Variants in OTUD7A observed in about 807,000 individuals in gnomAD.
OTUD7A encodes the protein OTU deubiquitinase 7A, also known as OTU domain-containing protein 7A.
Under a neutral mutation model 65.7 loss-of-function variants are expected in OTUD7A, and 12 were observed. That is an observed-to-expected ratio of 0.18 (90% CI 0.12 to 0.30). OTUD7A has a LOEUF of 0.30. Among genes scored for constraint, OTUD7A ranks in the 10% least tolerant of loss-of-function variants. The probability of loss-of-function intolerance (pLI) is 1.00; values close to 1 mark genes in which losing one functional copy is unlikely to be tolerated. For missense variants in OTUD7A, 1,148 were observed against 1,304.8 expected (o/e 0.88, Z 1.85); for synonymous variants, 641 against 586.3 (o/e 1.09, Z -1.35).
intron 8 of OTUD7A, among the ~76,000 whole-genome samples, chr15:31,507,921 C>T (rs1057171540): frequency 6.6e-6 from 1 of 152,058 alleles, no homozygotes; most frequent in Non-Finnish European, 1.5e-5. Context: ...AGAAAATTGG[C>T]GTTTTGGCTG....
intron 1 of OTUD7A, among the ~76,000 whole-genome samples, chr15:31,704,834 A>G (rs1893292049): frequency 6.6e-6 from 1 of 152,256 alleles, no homozygotes; most frequent in Non-Finnish European, 1.5e-5. Flanking sequence ...TAATTTGCAG[A>G]AGCAAAGTTC....
At chr15:31,734,836 T>C (rs1043280821) in intron 1 of OTUD7A, among the ~76,000 whole-genome samples, 7 of 151,646 alleles carry the variant, frequency 4.6e-5, no homozygotes, top group African/African-American at 7.3e-5. Flanking sequence ...ATCCTGGACA[T>C]AGGTACAGGC....
At chr15:31,769,480 G>A (rs1052202676) in intron 1 of OTUD7A, among the ~76,000 whole-genome samples, 9 of 152,172 alleles carry the variant, frequency 5.9e-5, no homozygotes, top group African/African-American at 2.2e-4. Flanking sequence ...CTAGGGAAAT[G>A]AAAACTTAGT....
rs528161914 is a variant in OTUD7A, at chr15:31,739,415, G to T, written c.-99-82338C>A. 4.5e-4 allele frequency among the ~76,000 whole-genome samples: 69 copies of T among 152,264 alleles called. 1 individual carries two copies. In the South Asian group the frequency reaches 6.0e-3, roughly 13 times the overall value. Reference sequence around the variant, plus strand: ...AATGAAATGAAATAATATCTTAAAAGTAGTCACAAGTCATTGCAAAATCCA... The same window carrying T: ...AATGAAATGAAATAATATCTTAAAATTAGTCACAAGTCATTGCAAAATCCA... On this transcript the variant is annotated intron_variant, in intron 1 of 12. Transcript: ENST00000307050.
chr15:31,539,209 C>T (rs1263717819), intron 5 of OTUD7A, among the ~76,000 whole-genome samples: 2 of 152,164 alleles, frequency 1.3e-5, no homozygotes, highest in Admixed American at 6.5e-5. Flanking sequence ...CCCCACACCC[C>T]AATTCCTTTC....
chr15:31,523,349 C>T (rs776058036), intron 8 of OTUD7A, among the ~76,000 whole-genome samples: 17 of 152,214 alleles, frequency 1.1e-4, no homozygotes, highest in Non-Finnish European at 1.8e-4. Context: ...CCGCTGGGCT[C>T]GCTGGAGGTC....
intron 3 of OTUD7A, among the ~76,000 whole-genome samples, chr15:31,628,777 G>A (rs1891046416): frequency 6.6e-6 from 1 of 152,072 alleles, no homozygotes; most frequent in South Asian, 2.1e-4. Context: ...ATTGAGCAGT[G>A]GTTTGTAGTT....
intron 1 of OTUD7A, among the ~76,000 whole-genome samples, chr15:31,692,856 C>T (rs1397162236): frequency 2.7e-4 from 40 of 149,786 alleles, no homozygotes; most frequent in Non-Finnish European, 4.4e-4. Flanking sequence ...GTTCACTCCA[C>T]GGACGTGCAG....
intron 1 of OTUD7A, among the ~76,000 whole-genome samples, chr15:31,836,218 T>C (rs993692300): frequency 2.0e-5 from 3 of 152,104 alleles, no homozygotes; most frequent in Admixed American, 6.6e-5. Flanking sequence ...CCAAAAGTGA[T>C]GTTCGGTGGT....
intron 1 of OTUD7A, among the ~76,000 whole-genome samples, chr15:31,658,412 G>T (rs1892054769): frequency 6.6e-6 from 1 of 152,154 alleles, no homozygotes; most frequent in African/African-American, 2.4e-5. Flanking sequence ...TTAAACTGGT[G>T]GGGGCTCCTG....
intron 1 of OTUD7A, among the ~76,000 whole-genome samples, chr15:31,801,617 C>T (rs1234005322): frequency 6.6e-6 from 1 of 152,212 alleles, no homozygotes; most frequent in Non-Finnish European, 1.5e-5. Context: ...GAAACATCAT[C>T]TACTTTGTGG....
intron 3 of OTUD7A, among the ~76,000 whole-genome samples, chr15:31,606,192 A>G (rs1205807992): frequency 2.6e-5 from 4 of 152,210 alleles, no homozygotes; most frequent in African/African-American, 4.8e-5. Context: ...TCACATAAAC[A>G]ACTCTTGCTA....
At chr15:31,692,871 CT>C (rs1257163180) in intron 1 of OTUD7A, among the ~76,000 whole-genome samples, 1 of 149,472 alleles carries the variant, frequency 6.7e-6, no homozygotes, top group East Asian at 2.0e-4. Flanking sequence ...GTGCAGTCCC[CT>C]GGCTGAAAGA....
At chr15:31,637,194 C>T (rs1013048008) in intron 3 of OTUD7A, among the ~76,000 whole-genome samples, 1 of 152,340 alleles carries the variant, frequency 6.6e-6, no homozygotes, top group African/African-American at 2.4e-5. Flanking sequence ...CTTCTACAGA[C>T]AGGGACAATT....
chr15:31,595,753 G>C (rs1417288543), intron 3 of OTUD7A, among the ~76,000 whole-genome samples: 1 of 152,232 alleles, frequency 6.6e-6, no homozygotes, highest in Admixed American at 6.5e-5. Context: ...AGGCTTGAAA[G>C]AGAATTGGCT....
chr15:31,549,321 G>T (rs1380468627), intron 5 of OTUD7A, among the ~76,000 whole-genome samples: 2 of 152,118 alleles, frequency 1.3e-5, no homozygotes, highest in East Asian at 3.8e-4. Flanking sequence ...TTTTAGCATA[G>T]AAGAATTATC....
intron 1 of OTUD7A, among the ~76,000 whole-genome samples, chr15:31,868,065 G>T (rs954468751): frequency 9.9e-5 from 15 of 152,220 alleles, no homozygotes; most frequent in African/African-American, 3.6e-4. Context: ...CCTTTCTTCC[G>T]TGGGCCTAAG....
At chr15:31,595,794 G>T (rs559966306) in intron 3 of OTUD7A, among the ~76,000 whole-genome samples, 1 of 152,354 alleles carries the variant, frequency 6.6e-6, no homozygotes, top group Non-Finnish European at 1.5e-5. Context: ...CCAGGACCCT[G>T]TTCCAGGTGG....
intron 3 of OTUD7A, among the ~76,000 whole-genome samples, chr15:31,577,274 T>C (rs765107003): frequency 8.9e-4 from 135 of 152,198 alleles, no homozygotes; most frequent in Non-Finnish European, 3.7e-4. Context: ...ACATTTGCGA[T>C]GTATTCTCTC....
Sources: allele counts gnomAD v4.1 joint callset (sites outside exome capture counted in the v4.1 genomes callset), GRCh38; gene constraint gnomAD v4.1.1; transcripts MANE v1.5; gene names NCBI Gene and HGNC (gene_info 2026-07-23, HGNC 2026-07-21).